Variants in PITPNC1 observed in about 807,000 individuals in gnomAD.
PITPNC1 encodes the protein phosphatidylinositol transfer protein cytoplasmic 1.
PITPNC1 carries 18 observed loss-of-function variants against 44.7 expected under a neutral mutation model. That is an observed-to-expected ratio of 0.40 (90% CI 0.28 to 0.60). PITPNC1 has a LOEUF of 0.60. Ranked by LOEUF, PITPNC1 falls within the 20% of genes least tolerant of loss-of-function variation. The pLI is 0.39. For missense variants in PITPNC1, 290 were observed against 418.4 expected (o/e 0.69, Z 2.68); for synonymous variants, 141 against 149.6 (o/e 0.94, Z 0.42).
intron 1 of PITPNC1, among the ~76,000 whole-genome samples, chr17:67,496,262 T>A (rs531822241): frequency 3.3e-5 from 5 of 152,232 alleles, no homozygotes; most frequent in Non-Finnish European, 7.3e-5. Flanking sequence ...TTCCCTGTTA[T>A]CGTTCTTCAT....
intron 1 of PITPNC1, among the ~76,000 whole-genome samples, chr17:67,403,662 C>T (rs1320762538): frequency 1.3e-5 from 2 of 152,200 alleles, no homozygotes; most frequent in East Asian, 1.9e-4. Context: ...ATTTAACAGA[C>T]GTGGAAATTG....
intron 2 of PITPNC1, among the ~76,000 whole-genome samples, chr17:67,546,985 G>A (rs898944659): frequency 2.0e-5 from 3 of 152,186 alleles, no homozygotes; most frequent in African/African-American, 7.2e-5. Context: ...CTGGATGGGG[G>A]CAATTGATTA....
rs750870930 is a variant in PITPNC1, at chr17:67,405,200, T to TC, written c.48+26999dup. ...AGTTGGAGGTTGTAGTGAGCCAAGA[T>TC]CGTGCCACTGCATTCCAGCCTGGGC... On this transcript the variant is annotated intron_variant, in intron 1 of 8. Coordinates refer to ENST00000581322, the MANE Select transcript of PITPNC1 (RefSeq NM_012417.4). Among the ~76,000 whole-genome samples, 109 of 151,952 alleles carry TC rather than the reference T, an allele frequency of 7.2e-4. 1 individual carries two copies. Among genetic ancestry groups the TC allele is most frequent in the Non-Finnish European group, 8.2e-4 (56 of 67,986 alleles).
In PITPNC1 at chr17:67,377,442, G is replaced by A. The variant is rs1458416838; in HGVS notation, c.-713G>A. 2 of 152,920 alleles carry A rather than the reference G, an allele frequency of 1.3e-5. No individual in the cohort carries two copies. The highest frequency in any genetic ancestry group is 4.8e-5 in the African/African-American group (2 of 41,444). The allele number at this position is 152,920 out of a possible 1,614,324, so 9.5% of individuals were successfully genotyped here. A position where few individuals can be genotyped will look rare whatever the true frequency, so the allele number is the denominator to read the frequency against. On this transcript the variant is annotated 5_prime_UTR_variant, in exon 1 of 9. Coordinates refer to ENST00000581322, the MANE Select transcript of PITPNC1 (RefSeq NM_012417.4). ...CGCCAGCTTCCTCCCGCCCGCCCCT[G>A]GCAGCCGCGAGCCGAGGTTGGAGGC...
In PITPNC1 at chr17:67,388,482, C is replaced by T. The variant is rs531863329; in HGVS notation, c.48+10280C>T. ...GATTACAGGTGCCCACCACCACGCC[C>T]GGCTAATTTTTGTATTTTTAGTAGA... On this transcript the variant is annotated intron_variant, in intron 1 of 8. Coordinates refer to ENST00000581322, the MANE Select transcript of PITPNC1 (RefSeq NM_012417.4). Among the ~76,000 whole-genome samples the T allele has an allele frequency of 7.9e-5, 12 of 151,908 alleles. No individual in the cohort carries two copies. In the East Asian group the frequency reaches 1.7e-3, roughly 22 times the overall value.
intron 1 of PITPNC1, among the ~76,000 whole-genome samples, chr17:67,485,226 A>C (rs1389103480): frequency 6.6e-6 from 1 of 152,094 alleles, no homozygotes; most frequent in Non-Finnish European, 1.5e-5. Flanking sequence ...GGGAGCATTT[A>C]CCATGAGCGC....
At position 67,508,555 on chromosome 17, in the gene PITPNC1, G is replaced by A. The variant is rs992833450; in HGVS notation, c.49-24247G>A. ...TGTTTTTTTATGACCTGTATCTCAC[G>A]CCGACCTTCTGTCTCATCCTGTGAC... On this transcript the variant is annotated intron_variant, in intron 1 of 8. Coordinates refer to ENST00000581322, the MANE Select transcript of PITPNC1 (RefSeq NM_012417.4). This position sits in a 1 kb window ranked among gnomAD's most constrained non-coding sequence, Gnocchi z 4.2. Among the ~76,000 whole-genome samples the A allele has an allele frequency of 5.9e-5, 9 of 152,106 alleles. No homozygotes were observed. Among genetic ancestry groups the A allele is most frequent in the South Asian group, 2.1e-4 (1 of 4,818 alleles).
intron 1 of PITPNC1, among the ~76,000 whole-genome samples, chr17:67,425,193 G>GCGCACACACA (rs1160522771): frequency 9.6e-5 from 5 of 52,118 alleles, no homozygotes; most frequent in Admixed American, 4.0e-4. Context: ...TTGTGCGCGC[G>GCGCACACACA]CACGCACACG....
At chr17:67,655,026 G>A (rs1417755340) in intron 6 of PITPNC1, among the ~76,000 whole-genome samples, 1 of 152,180 alleles carries the variant, frequency 6.6e-6, no homozygotes, top group African/African-American at 2.4e-5. Flanking sequence ...TGTCCACATG[G>A]TGTAGGGGTG....
intron 5 of PITPNC1, among the ~76,000 whole-genome samples, chr17:67,591,143 C>A (rs1205210425): frequency 6.6e-6 from 1 of 152,018 alleles, no homozygotes; most frequent in Non-Finnish European, 1.5e-5. Context: ...AACAAACAAA[C>A]AAAAAACCCA....
At chr17:67,432,317 G>A (rs1304760162) in intron 1 of PITPNC1, among the ~76,000 whole-genome samples, 2 of 151,996 alleles carry the variant, frequency 1.3e-5, no homozygotes, top group South Asian at 2.1e-4. Context: ...GTGAAACCCC[G>A]TCTCTACTAA....
intron 1 of PITPNC1, among the ~76,000 whole-genome samples, chr17:67,458,439 C>T (rs545329620): frequency 1.3e-5 from 2 of 152,252 alleles, no homozygotes; most frequent in East Asian, 3.9e-4. Context: ...ATTCTCTCTT[C>T]ATTTCTGTCT....
At chr17:67,496,154 A>G (rs929849887) in intron 1 of PITPNC1, among the ~76,000 whole-genome samples, 1 of 152,158 alleles carries the variant, frequency 6.6e-6, no homozygotes, top group Non-Finnish European at 1.5e-5. Context: ...ACCTTAGAGG[A>G]AAAAATGCTG....
At chr17:67,395,704 C>T (rs1317756403) in intron 1 of PITPNC1, among the ~76,000 whole-genome samples, 1 of 152,084 alleles carries the variant, frequency 6.6e-6, no homozygotes, top group Non-Finnish European at 1.5e-5. Context: ...AAAAGTGACG[C>T]AGTGGATGAA....
intron 1 of PITPNC1, among the ~76,000 whole-genome samples, chr17:67,503,452 G>A (rs920801941): frequency 2.0e-5 from 3 of 152,100 alleles, no homozygotes; most frequent in African/African-American, 7.2e-5. Flanking sequence ...GAGGGAGGGG[G>A]CATTGTTTGT....
intron 5 of PITPNC1, among the ~76,000 whole-genome samples, chr17:67,615,116 TGGGGAGCAGGGGCCCGTG>T (rs1217878381): frequency 2.0e-5 from 3 of 152,170 alleles, no homozygotes; most frequent in Non-Finnish European, 4.4e-5. Flanking sequence ...GCAGCTGCCC[TGGGGAGCAGGGGCCCGTG>T]GAGCTCAGCC....
At chr17:67,667,529 C>T (rs1409959751) in intron 6 of PITPNC1, among the ~76,000 whole-genome samples, 1 of 144,474 alleles carries the variant, frequency 6.9e-6, no homozygotes, top group Non-Finnish European at 1.5e-5. Flanking sequence ...TTAGCTCATA[C>T]ATACATATTT....
At chr17:67,457,039 T>G (rs1484548331) in intron 1 of PITPNC1, 1 of 151,994 alleles carries the variant, frequency 6.6e-6, no homozygotes, top group Non-Finnish European at 1.5e-5. Flanking sequence ...GGGGTCTCAC[T>G]ATGTTGGCCA....
At chr17:67,434,671 G>A (rs1194542937) in intron 1 of PITPNC1, among the ~76,000 whole-genome samples, 1 of 151,254 alleles carries the variant, frequency 6.6e-6, no homozygotes, top group Non-Finnish European at 1.5e-5. Flanking sequence ...AAATTTGCCA[G>A]GTGTGGTGGT....
Sources: gnomAD v4.1 joint callset for allele counts (sites outside exome capture counted in the v4.1 genomes callset) on GRCh38, gnomAD v4.1.1 for gene constraint, Gnocchi (gnomAD v3.1) non-coding constraint, MANE v1.5 for transcripts, NCBI Gene and HGNC (gene_info 2026-07-23, HGNC 2026-07-21) for gene names.